MAP4K3: variants seen among roughly 807,000 people sequenced by gnomAD.
MAP4K3 encodes the protein mitogen-activated protein kinase kinase kinase kinase 3.
In MAP4K3, 94 loss-of-function variants were observed where a neutral mutation model predicts 143.5. That is an observed-to-expected ratio of 0.65 (90% CI 0.55 to 0.78). The LOEUF is 0.78. MAP4K3 is among the 30% of genes least tolerant of loss of function. MAP4K3 has a pLI of 0.00. For missense variants in MAP4K3, 1,077 were observed against 1,068.1 expected (o/e 1.01, Z -0.12); for synonymous variants, 416 against 347.2 (o/e 1.20, Z -2.20).
chr2:39,425,543 G>C (rs749887298), intron 1 of MAP4K3, among the ~76,000 whole-genome samples: 42 of 152,098 alleles, frequency 2.8e-4, no homozygotes, highest in Non-Finnish European at 5.4e-4. Context: ...GCCCTTATGA[G>C]AAGAGACACC....
At chr2:39,254,862 G>A (rs747677257) in intron 31 of MAP4K3, among the ~76,000 whole-genome samples, 13 of 152,134 alleles carry the variant, frequency 8.5e-5, no homozygotes, top group African/African-American at 1.2e-4. Flanking sequence ...TTAAAGCCAT[G>A]AGCCACTGTG....
intron 3 of MAP4K3, among the ~76,000 whole-genome samples, chr2:39,346,700 G>T (rs532854918): frequency 6.6e-6 from 1 of 152,158 alleles, no homozygotes; most frequent in African/African-American, 2.4e-5. Flanking sequence ...AGCAGCAATT[G>T]TAAGAACTTG....
chr2:39,431,293 G>C (rs535484388), intron 1 of MAP4K3, among the ~76,000 whole-genome samples: 10 of 152,322 alleles, frequency 6.6e-5, no homozygotes, highest in African/African-American at 2.4e-4. Context: ...GGAGTCATCA[G>C]AAAGCATTTT....
intron 1 of MAP4K3, among the ~76,000 whole-genome samples, chr2:39,389,512 T>G (rs1666596771): frequency 6.6e-6 from 1 of 151,542 alleles, no homozygotes; most frequent in South Asian, 2.1e-4. Flanking sequence ...GCAAAAAAAC[T>G]AAAGAAAAAG....
chr2:39,419,551 C>A (rs1330604240), intron 1 of MAP4K3, among the ~76,000 whole-genome samples: 1 of 152,084 alleles, frequency 6.6e-6, no homozygotes, highest in Non-Finnish European at 1.5e-5. Flanking sequence ...TTAACAGAAA[C>A]CTCCAATTTT....
At chr2:39,410,165 G>A (rs1274907296) in intron 1 of MAP4K3, among the ~76,000 whole-genome samples, 1 of 152,144 alleles carries the variant, frequency 6.6e-6, no homozygotes, top group Non-Finnish European at 1.5e-5. Context: ...GGATTGTGGA[G>A]GAGGGAGCTG....
chr2:39,381,526 T>C (rs1666355402), intron 1 of MAP4K3, among the ~76,000 whole-genome samples: 1 of 152,236 alleles, frequency 6.6e-6, no homozygotes, highest in Admixed American at 6.5e-5. Flanking sequence ...GTGTTTTTAG[T>C]GTTGCAGCTA....
chr2:39,254,415 G>T, intron 32 of MAP4K3, 35 bp downstream of exon 32: 1 of 1,519,248 alleles, frequency 6.6e-7, no homozygotes, highest in Non-Finnish European at 9.1e-7. Flanking sequence ...ATTTGATAAT[G>T]TCTTGTGACT....
chr2:39,273,129 C>G (rs913745732), intron 24 of MAP4K3, among the ~76,000 whole-genome samples: 5 of 151,854 alleles, frequency 3.3e-5, no homozygotes, highest in Non-Finnish European at 7.4e-5. Context: ...TCTCTGGAAG[C>G]CTGAAAGTGG....
intron 3 of MAP4K3, among the ~76,000 whole-genome samples, chr2:39,354,759 C>A (rs1665559028): frequency 1.3e-5 from 2 of 152,076 alleles, no homozygotes; most frequent in Admixed American, 1.3e-4. Context: ...CAACCATGAA[C>A]AGCAGGTCCA....
intron 1 of MAP4K3, among the ~76,000 whole-genome samples, chr2:39,423,592 A>G (rs1664960255): frequency 6.6e-6 from 1 of 152,238 alleles, no homozygotes; most frequent in South Asian, 2.1e-4. Context: ...ATTTTTAAAA[A>G]ATGAGGTATT....
At chr2:39,309,813 C>T (rs1004714955) in intron 13 of MAP4K3, among the ~76,000 whole-genome samples, 3 of 151,954 alleles carry the variant, frequency 2.0e-5, no homozygotes, top group African/African-American at 4.8e-5. Flanking sequence ...CCGCCTCGGC[C>T]TCCCAAAGTG....
At chr2:39,288,359 G>T in intron 19 of MAP4K3, 79 bp from the exon 20 acceptor site, 1 of 1,312,694 alleles carries the variant, frequency 7.6e-7, no homozygotes, top group Non-Finnish European at 1.1e-6. Context: ...TACATTAAAA[G>T]CTTTCAAATT....
chr2:39,270,177 T>G (rs1861734), intron 26 of MAP4K3, among the ~76,000 whole-genome samples: 118,912 of 152,058 alleles, frequency 0.78, 47,151 homozygotes, highest in Non-Finnish European at 0.85. Context: ...TAGGGATGAC[T>G]ACTACACAAA....
At chr2:39,317,435 T>A (rs1683150310) in intron 12 of MAP4K3, among the ~76,000 whole-genome samples, 1 of 152,074 alleles carries the variant, frequency 6.6e-6, no homozygotes, top group Non-Finnish European at 1.5e-5. Context: ...ACTAAACAGG[T>A]TCGGCACAGC....
At chr2:39,296,733 C>T (rs1462335157) in intron 16 of MAP4K3, among the ~76,000 whole-genome samples, 1 of 152,188 alleles carries the variant, frequency 6.6e-6, no homozygotes, top group Non-Finnish European at 1.5e-5. Context: ...TAAAATTAAA[C>T]AGCAGTTTTA....
chr2:39,323,929 A>T (rs1338207313), intron 12 of MAP4K3: 2 of 152,232 alleles, frequency 1.3e-5, no homozygotes, highest in African/African-American at 4.8e-5. Context: ...AAAAAATTTT[A>T]AAAGTCATGA....
chr2:39,273,309 C>A (rs1009491255), intron 24 of MAP4K3, among the ~76,000 whole-genome samples: 1 of 152,134 alleles, frequency 6.6e-6, no homozygotes, highest in Non-Finnish European at 1.5e-5. Flanking sequence ...AATTCTTGGA[C>A]CTCACCCCAG....
chr2:39,427,331 GA>G (rs1366348315), intron 1 of MAP4K3, among the ~76,000 whole-genome samples: 3 of 151,458 alleles, frequency 2.0e-5, no homozygotes, highest in East Asian at 1.9e-4. Flanking sequence ...TTAAAAGAAA[GA>G]AAAAAAATCC....
Sources: gnomAD v4.1 joint callset for allele counts (sites outside exome capture counted in the v4.1 genomes callset) on GRCh38, gnomAD v4.1.1 for gene constraint, MANE v1.5 for transcripts, NCBI Gene and HGNC (gene_info 2026-07-23, HGNC 2026-07-21) for gene names.